LRCH3: variants seen among roughly 807,000 people sequenced by gnomAD.
LRCH3 encodes leucine rich repeats and calponin homology domain containing 3, also known as DISP complex protein LRCH3.
A neutral mutation model predicts 104.5 loss-of-function variants in LRCH3; 68 were observed. That is an observed-to-expected ratio of 0.65 (90% confidence interval 0.54 to 0.80). The LOEUF (loss-of-function observed/expected upper bound fraction) is 0.80, where lower values mean the gene tolerates loss of function less well. LRCH3 is among the 30% of genes least tolerant of loss of function. The pLI, the probability that LRCH3 is intolerant of heterozygous loss-of-function variation, is 0.00. For synonymous variants in LRCH3, 344 were observed against 361.3 expected, an observed-to-expected ratio of 0.95 and a Z score of 0.54; for missense variants, 951 against 953.9, an observed-to-expected ratio of 1.00 and a Z score of 0.04.
intron 17 of LRCH3, among the ~76,000 whole-genome samples, chr3:197,868,164 C>G (rs1225150766): frequency 6.6e-6 from 1 of 152,132 alleles, no homozygotes; most frequent in African/African-American, 2.4e-5. Flanking sequence ...GCCTCTGTAC[C>G]CACAGATTCT....
chr3:197,879,448 C>T (rs547082078), intron 20 of LRCH3, among the ~76,000 whole-genome samples: 21 of 151,540 alleles, frequency 1.4e-4, no homozygotes, highest in South Asian at 6.2e-4. Flanking sequence ...AGATCGAGAC[C>T]ATCCTGGCTA....
chr3:197,866,912 G>A (rs1313766801), intron 17 of LRCH3, among the ~76,000 whole-genome samples: 1 of 152,076 alleles, frequency 6.6e-6, no homozygotes, highest in African/African-American at 2.4e-5. Flanking sequence ...GGCCAAGGCA[G>A]GCAGATCACT....
intron 4 of LRCH3, among the ~76,000 whole-genome samples, 178 bp downstream of exon 4, chr3:197,820,608 C>G (rs1033476462): frequency 6.6e-6 from 1 of 152,122 alleles, no homozygotes; most frequent in Non-Finnish European, 1.5e-5. Context: ...CCCAGGAATT[C>G]GAGACCAGCC....
chr3:197,865,480 C>T lies in LRCH3; in HGVS notation c.1765+9C>T. On this transcript the variant is annotated intron_variant, in intron 16 of 20. Transcript: ENST00000425562. ...ACCTGCAACAGAAACAGGTAATAGA[C>T]ACAAAGGTGCAATTAACCACATCAA... 6.7e-7 allele frequency: 1 copy of T among 1,497,402 alleles called. No homozygotes were observed. The allele number at this position is 1,497,402 out of a possible 1,614,324, so 92.8% of individuals were successfully genotyped here.
At chr3:197,802,580 A>T (rs1732019710) in intron 1 of LRCH3, among the ~76,000 whole-genome samples, 2 of 152,010 alleles carry the variant, frequency 1.3e-5, no homozygotes, top group Non-Finnish European at 2.9e-5. Flanking sequence ...TTCGAGAAGG[A>T]TTGTTATTAG....
At chr3:197,836,945 T>G (rs1175694595) in intron 9 of LRCH3, among the ~76,000 whole-genome samples, 1 of 152,210 alleles carries the variant, frequency 6.6e-6, no homozygotes, top group African/African-American at 2.4e-5. Flanking sequence ...CCCAAAGTGC[T>G]GGGATTACAG....
At chr3:197,825,984 C>T (rs1377044810) in intron 4 of LRCH3, among the ~76,000 whole-genome samples, 2 of 152,074 alleles carry the variant, frequency 1.3e-5, no homozygotes, top group Non-Finnish European at 2.9e-5. Flanking sequence ...GATAGTCTAG[C>T]TTTTCAAAAT....
intron 12 of LRCH3, 188 bp from the exon 13 acceptor site, chr3:197,852,371 TTG>T: frequency 3.5e-6 from 2 of 566,302 alleles, no homozygotes; most frequent in South Asian, 4.5e-5. Flanking sequence ...ATAAATGTGT[TTG>T]TGTAGATATA....
At position 197,888,113 on chromosome 3, in the gene LRCH3, T is replaced by C. The variant is rs1429502419; in HGVS notation, c.*4447T>C. 1.3e-5 allele frequency: 2 copies of C among 152,270 alleles called. No homozygotes were observed. Among genetic ancestry groups the C allele is most frequent in the Non-Finnish European group, 2.9e-5 (2 of 68,050 alleles). 9.4% of individuals were successfully genotyped at this position (152,270 alleles called of 1,614,324 possible). A position where few individuals can be genotyped will look rare whatever the true frequency, so the allele number is the denominator to read the frequency against. ...AGCAGTGACTAATGATGTGTGACTA[T>C]GCGAATGAGTTTGATGAATTCGTAA... is the stretch of plus-strand genomic sequence containing the variant. On this transcript the variant is annotated 3_prime_UTR_variant, in exon 21 of 21. Transcript: ENST00000425562.
chr3:197,844,828 C>G (rs1232273989), intron 10 of LRCH3, among the ~76,000 whole-genome samples: 1 of 151,504 alleles, frequency 6.6e-6, no homozygotes, highest in Admixed American at 6.6e-5. Context: ...ACCATGTTGA[C>G]CAGGATGGCC....
At position 197,827,866 on chromosome 3, in the gene LRCH3, CAGG is replaced by C. The variant is rs1442087397; in HGVS notation, c.777+855_777+857del. On this transcript the variant is annotated intron_variant, in intron 5 of 20. Coordinates refer to ENST00000425562, the MANE Select transcript of LRCH3 (RefSeq NM_001365715.1). Reference sequence around the variant, plus strand: ...GGCCGAGGTGGGCAGATCATGAGGTCAGGAGATCGAGATCATCCTGGCCAACAT... The same window carrying C: ...GGCCGAGGTGGGCAGATCATGAGGTCAGATCGAGATCATCCTGGCCAACAT... 5.3e-5 allele frequency among the ~76,000 whole-genome samples: 8 copies of C among 151,972 alleles called. No individual in the cohort carries two copies. The East Asian group carries it at 1.6e-3, about 29-fold the overall frequency.
chr3:197,849,267 CAAAAA>C (rs35823428), intron 12 of LRCH3, among the ~76,000 whole-genome samples: 5 of 35,314 alleles, frequency 1.4e-4, no homozygotes, highest in South Asian at 1.0e-3. Flanking sequence ...GACTCCACCT[CAAAAA>C]AAAAAAAAAA....
intron 10 of LRCH3, among the ~76,000 whole-genome samples, chr3:197,845,853 G>A (rs189830802): frequency 5.5e-4 from 83 of 152,290 alleles, no homozygotes; most frequent in Admixed American, 2.4e-3. Context: ...TGTGGTGAGC[G>A]AGATCGTGCC....
chr3:197,872,556 TAAAAGA>T (rs1263731118), intron 19 of LRCH3, among the ~76,000 whole-genome samples: 3 of 151,894 alleles, frequency 2.0e-5, no homozygotes, highest in African/African-American at 7.3e-5. Flanking sequence ...TCTTGTTTCT[TAAAAGA>T]AAAAGGAAAA....
Position 197,814,894 on chromosome 3 carries a change from A to G in LRCH3, c.263-14A>G, listed in dbSNP as rs201379549. 1.8e-4 allele frequency: 279 copies of G among 1,572,234 alleles called. 2 individuals are homozygous for G. In the East Asian group the frequency reaches 6.3e-3, roughly 36 times the overall value. On this transcript the variant is annotated splice_polypyrimidine_tract_variant and intron_variant, in intron 1 of 20. Transcript: ENST00000425562. ...CAAGGACTGATTTTAAACCTAATTTAATTTTTCTTTTAGACCTGTCGCGAA... is the reference window on the plus strand; with the variant it reads ...CAAGGACTGATTTTAAACCTAATTTGATTTTTCTTTTAGACCTGTCGCGAA...
chr3:197,822,594 C>T (rs1006738247), intron 4 of LRCH3, among the ~76,000 whole-genome samples: 2 of 152,164 alleles, frequency 1.3e-5, no homozygotes, highest in Non-Finnish European at 2.9e-5. Flanking sequence ...TTTATAATCT[C>T]AGCACATATA....
At chr3:197,844,336 G>A (rs557666113) in intron 10 of LRCH3, among the ~76,000 whole-genome samples, 1 of 152,314 alleles carries the variant, frequency 6.6e-6, no homozygotes, top group South Asian at 2.1e-4. Flanking sequence ...AACAAACTGA[G>A]TGGGGTGGTC....
At chr3:197,807,512 T>C (rs565695542) in intron 1 of LRCH3, among the ~76,000 whole-genome samples, 66 of 152,254 alleles carry the variant, frequency 4.3e-4, no homozygotes, top group Non-Finnish European at 6.9e-4. Context: ...TGAGCCACCA[T>C]GCCCGGCCGC....
chr3:197,833,566 A>G (rs562938829), intron 8 of LRCH3, among the ~76,000 whole-genome samples: 42 of 152,178 alleles, frequency 2.8e-4, no homozygotes, highest in African/African-American at 1.0e-3. Flanking sequence ...TGGTTTTTCC[A>G]AATTGATATG....
Sources: gnomAD v4.1 joint callset for allele counts (sites outside exome capture counted in the v4.1 genomes callset) on GRCh38, gnomAD v4.1.1 for gene constraint, MANE v1.5 for transcripts, NCBI Gene and HGNC (gene_info 2026-07-23, HGNC 2026-07-21) for gene names.